ARL14EPL: variants seen among roughly 807,000 people sequenced by gnomAD.
ARL14EPL encodes ARL14 effector protein-like.
Under a neutral mutation model 15.9 loss-of-function variants are expected in ARL14EPL, and 17 were observed. That is an observed-to-expected ratio of 1.07 (90% confidence interval 0.73 to 1.60). ARL14EPL has a LOEUF of 1.60. Among genes scored for constraint, ARL14EPL ranks in the 40% most tolerant of loss-of-function variants. ARL14EPL has a pLI of 0.00. For missense variants in ARL14EPL, 214 were observed against 185.9 expected (o/e 1.15, Z -0.88); for synonymous variants, 78 against 63.8 (o/e 1.22, Z -1.06).
Position 116,058,710 on chromosome 5 carries a change from G to A in ARL14EPL, c.237-15G>A, listed in dbSNP as rs1205442830. 1.3e-6 allele frequency: 2 copies of A among 1,531,152 alleles called. No individual in the cohort carries two copies. The highest frequency in any genetic ancestry group is 1.4e-5 in the African/African-American group (1 of 72,900). 94.8% of individuals were successfully genotyped at this position (1,531,152 alleles called of 1,614,324 possible). A position where few individuals can be genotyped will look rare whatever the true frequency, so the allele number is the denominator to read the frequency against. The stretch of plus-strand genomic sequence containing the variant: ...GATTGCACTGTCATCTTAATGTCAT[G>A]CTTTTCCTTTGTAGAATAATGAGGA... On this transcript the variant is annotated splice_polypyrimidine_tract_variant and intron_variant, in intron 3 of 3. Coordinates refer to ENST00000686077, the MANE Select transcript of ARL14EPL (RefSeq NM_001195581.2).
intron 2 of ARL14EPL, chr5:116,051,846 TTTA>T: frequency 9.0e-7 from 1 of 1,112,152 alleles, no homozygotes; most frequent in Non-Finnish European, 1.3e-6. Context: ...CGTTTTTATT[TTTA>T]TTTTTATTTT....
At chr5:116,049,920 A>G (rs563554227) in intron 1 of ARL14EPL, among the ~76,000 whole-genome samples, 10 of 152,382 alleles carry the variant, frequency 6.6e-5, no homozygotes, top group African/African-American at 1.7e-4. Context: ...TAATGGCAGT[A>G]GAAATTATGG....
intron 2 of ARL14EPL, among the ~76,000 whole-genome samples, chr5:116,052,655 C>A (rs935761666): frequency 6.7e-6 from 1 of 148,174 alleles, no homozygotes; most frequent in African/African-American, 2.5e-5. Context: ...ATATCTAATG[C>A]AGAACAGTTT....
At chr5:116,032,824 T>A (rs1174356767) in intron 1 of ARL14EPL, among the ~76,000 whole-genome samples, 1 of 152,088 alleles carries the variant, frequency 6.6e-6, no homozygotes, top group Non-Finnish European at 1.5e-5. Context: ...TGAAACAGGG[T>A]GTCAGTCTGT....
At chr5:116,051,661 G>T (rs77950036) in intron 2 of ARL14EPL, 100 bp downstream of exon 2, 21,830 of 1,003,968 alleles carry the variant, frequency 0.022, 353 homozygotes, top group Middle Eastern at 0.05. Context: ...GGCCCAGGCA[G>T]GACCTCACAG....
intron 1 of ARL14EPL, among the ~76,000 whole-genome samples, chr5:116,035,622 G>A (rs1208789750): frequency 2.0e-5 from 3 of 152,200 alleles, no homozygotes; most frequent in Non-Finnish European, 4.4e-5. Context: ...CAAGGGAGGA[G>A]GTGGATTTAT....
chr5:116,035,598 T>C (rs1396488), intron 1 of ARL14EPL, among the ~76,000 whole-genome samples: 9,584 of 152,174 alleles, frequency 0.063, 893 homozygotes, highest in African/African-American at 0.2. Context: ...CTAGCACTTC[T>C]AGGGTAGGGG....
intron 1 of ARL14EPL, among the ~76,000 whole-genome samples, chr5:116,037,547 A>G (rs999303471): frequency 1.3e-5 from 2 of 152,160 alleles, no homozygotes; most frequent in African/African-American, 4.8e-5. Context: ...TGCCCTTCAC[A>G]TGGCATTCTT....
At chr5:116,046,525 C>A (rs1279702884) in intron 1 of ARL14EPL, among the ~76,000 whole-genome samples, 2 of 152,130 alleles carry the variant, frequency 1.3e-5, no homozygotes, top group Non-Finnish European at 2.9e-5. Flanking sequence ...GGACCTGGTG[C>A]CATTCCCTCA....
chr5:116,051,382 G>GCCGTATCATT, intron 1 of ARL14EPL, 75 bp from the exon 2 acceptor site: 1 of 910,870 alleles, frequency 1.1e-6, no homozygotes, highest in Non-Finnish European at 1.7e-6. Flanking sequence ...AGGGAGAGTA[G>GCCGTATCATT]AAAAGAATCA....
At chr5:116,041,528 C>T (rs1311582556) in intron 1 of ARL14EPL, among the ~76,000 whole-genome samples, 2 of 152,152 alleles carry the variant, frequency 1.3e-5, no homozygotes, top group Non-Finnish European at 2.9e-5. Context: ...TCTCTGTTGA[C>T]TTTATTTCAC....
intron 1 of ARL14EPL, among the ~76,000 whole-genome samples, chr5:116,050,325 C>T (rs534968248): frequency 9.9e-5 from 15 of 152,264 alleles, no homozygotes; most frequent in Admixed American, 2.6e-4. Flanking sequence ...TTAGCTCCCA[C>T]CTAAGTAAGA....
In ARL14EPL at chr5:116,054,063, C is replaced by A. The variant is rs1162771628; in HGVS notation, c.146C>A (p.Pro49Gln). Residue 49 changes from proline to glutamine, a missense_variant, in exon 3 of 4, where the codon CCA becomes CAA. Physicochemically the swap from Pro to Gln is moderately conservative, Grantham distance 76. Coordinates refer to ENST00000686077, the MANE Select transcript of ARL14EPL (RefSeq NM_001195581.2). ...TGCTTGGCATTTCGAAACCCTGGAC[C>A]ACAGGTAGCAGACTTTAATCCTGAA... ...LKCLAFRNPG[P>Q]QVADFNPETR... The A allele has an allele frequency of 6.5e-7, 1 of 1,535,396 alleles. No homozygotes were observed. The highest frequency in any genetic ancestry group is 8.7e-7 in the Non-Finnish European group (1 of 1,146,578).
At chr5:116,042,317 TATCATTGGCAC>T (rs919440240) in intron 1 of ARL14EPL, among the ~76,000 whole-genome samples, 18 of 152,346 alleles carry the variant, frequency 1.2e-4, no homozygotes, top group Admixed American at 7.8e-4. Flanking sequence ...TTTGCCCTTT[TATCATTGGCAC>T]ATTGTCTGGC....
chr5:116,051,422 T>TAGTTACTGGAGATAGATGATAC, intron 1 of ARL14EPL, 35 bp from the exon 2 acceptor site: 1 of 1,263,336 alleles, frequency 7.9e-7, no homozygotes, highest in Non-Finnish European at 1.1e-6. Flanking sequence ...ATAGATGATA[T>TAGTTACTGGAGATAGATGATAC]TAATATGTTT....
At chr5:116,052,257 CCTT>C (rs1261469293) in intron 2 of ARL14EPL, 55 of 1,588,020 alleles carry the variant, frequency 3.5e-5, no homozygotes, top group African/African-American at 3.1e-4. Flanking sequence ...TTTCCAGCGT[CCTT>C]CTTCTCGTCG....
chr5:116,052,517 C>T (rs1749411364), intron 2 of ARL14EPL, among the ~76,000 whole-genome samples: 1 of 152,174 alleles, frequency 6.6e-6, no homozygotes. Context: ...TCAAGGCCCA[C>T]CACTAGTACG....
intron 3 of ARL14EPL, among the ~76,000 whole-genome samples, chr5:116,057,599 G>T (rs976649153): frequency 1.3e-5 from 2 of 152,088 alleles, no homozygotes; most frequent in African/African-American, 4.8e-5. Context: ...ATTTCCTGGG[G>T]TTGCTTAGGA....
chr5:116,057,526 T>C (rs975155667), intron 3 of ARL14EPL, among the ~76,000 whole-genome samples: 1 of 152,226 alleles, frequency 6.6e-6, no homozygotes, highest in Non-Finnish European at 1.5e-5. Flanking sequence ...GTGGTATAGG[T>C]TGATTTCAGG....
Sources: allele counts gnomAD v4.1 joint callset (sites outside exome capture counted in the v4.1 genomes callset), GRCh38; gene constraint gnomAD v4.1.1; transcripts MANE v1.5; gene names NCBI Gene and HGNC (gene_info 2026-07-23, HGNC 2026-07-21).